Variants in CSMD1 observed in about 807,000 individuals in gnomAD.
The protein encoded by CSMD1 is CUB and Sushi multiple domains 1, also known as CUB and sushi domain-containing protein 1.
A neutral mutation model predicts 417.5 loss-of-function variants in CSMD1; 213 were observed. That is an observed-to-expected ratio of 0.51 (90% CI 0.46 to 0.57). The LOEUF (loss-of-function observed/expected upper bound fraction) is 0.57. Among genes scored for constraint, CSMD1 ranks in the 20% least tolerant of loss-of-function variants. The pLI is 0.00. For missense variants in CSMD1, 6,923 were observed against 4,529.7 expected, an observed-to-expected ratio of 1.53 and a Z score of -15.17; for synonymous variants, 2,862 against 1,736.8, an observed-to-expected ratio of 1.65 and a Z score of -16.11.
chr8:4,821,719 G>A (rs1799535719), intron 1 of CSMD1, among the ~76,000 whole-genome samples: 1 of 152,058 alleles, frequency 6.6e-6, no homozygotes, highest in Non-Finnish European at 1.5e-5. Context: ...TGAATTCCAA[G>A]CAAAATGGAT....
intron 50 of CSMD1, among the ~76,000 whole-genome samples, chr8:3,035,223 A>C (rs1810593873): frequency 6.6e-6 from 1 of 152,176 alleles, no homozygotes; most frequent in African/African-American, 2.4e-5. Flanking sequence ...CATCATAGGC[A>C]GATACTGCAG....
At chr8:3,182,675 CTG>C (rs10676783) in intron 36 of CSMD1, among the ~76,000 whole-genome samples, 4 of 99,078 alleles carry the variant, frequency 4.0e-5, no homozygotes, top group East Asian at 3.0e-4. Flanking sequence ...CTATAAGAAG[CTG>C]TGTGTGTGTG....
intron 51 of CSMD1, among the ~76,000 whole-genome samples, chr8:3,023,671 G>A (rs1291319365): frequency 1.3e-5 from 2 of 152,120 alleles, no homozygotes; most frequent in Admixed American, 6.5e-5. Context: ...ATTTCTCAGC[G>A]GATTCCACAG....
At chr8:4,579,337 T>C (rs199779434) in intron 2 of CSMD1, among the ~76,000 whole-genome samples, 1 of 125,870 alleles carries the variant, frequency 7.9e-6, no homozygotes, top group Non-Finnish European at 1.8e-5. Flanking sequence ...TACATACATA[T>C]ATATATACAC....
intron 2 of CSMD1, among the ~76,000 whole-genome samples, chr8:4,522,750 G>C (rs976142799): frequency 6.6e-6 from 1 of 152,080 alleles, no homozygotes; most frequent in African/African-American, 2.4e-5. Context: ...CTGGGAGTTG[G>C]ACTCCATCCT....
At chr8:4,501,052 A>T (rs1342910579) in intron 2 of CSMD1, among the ~76,000 whole-genome samples, 1 of 152,140 alleles carries the variant, frequency 6.6e-6, no homozygotes, top group Admixed American at 6.6e-5. Context: ...GACATCTGAG[A>T]CAGTGGGCCA....
chr8:4,233,886 A>G (rs1471324955), intron 3 of CSMD1, among the ~76,000 whole-genome samples: 2 of 151,848 alleles, frequency 1.3e-5, no homozygotes, highest in South Asian at 2.1e-4. Flanking sequence ...AGCGGAAGCC[A>G]TATCCAGTAC....
At chr8:4,037,174 A>T (rs183451400) in intron 3 of CSMD1, among the ~76,000 whole-genome samples, 2 of 152,370 alleles carry the variant, frequency 1.3e-5, no homozygotes, top group Non-Finnish European at 1.5e-5. Flanking sequence ...AGTGTTCAAT[A>T]TTAGAAGTGT....
intron 5 of CSMD1, among the ~76,000 whole-genome samples, chr8:3,893,430 C>T (rs1807134756): frequency 6.8e-6 from 1 of 146,268 alleles, no homozygotes; most frequent in Non-Finnish European, 1.5e-5. Flanking sequence ...GGATCAACTC[C>T]TGAAACCAAT....
At chr8:3,120,425 C>T (rs1372721997) in intron 41 of CSMD1, among the ~76,000 whole-genome samples, 1 of 152,206 alleles carries the variant, frequency 6.6e-6, no homozygotes, top group Non-Finnish European at 1.5e-5. Flanking sequence ...AATGTAAGTG[C>T]TGTTTGGAGT....
intron 5 of CSMD1, among the ~76,000 whole-genome samples, chr8:3,981,628 T>C (rs1813878775): frequency 6.6e-6 from 1 of 152,120 alleles, no homozygotes; most frequent in South Asian, 2.1e-4. Context: ...ATTGTTCCCT[T>C]TGAGTTGTCT....
chr8:4,824,035 C>T (rs953276078), intron 1 of CSMD1, among the ~76,000 whole-genome samples: 1 of 151,574 alleles, frequency 6.6e-6, no homozygotes, highest in African/African-American at 2.4e-5. Flanking sequence ...CACAAACATC[C>T]ATGCACCCAC....
intron 12 of CSMD1, among the ~76,000 whole-genome samples, chr8:3,411,109 G>C (rs1238985416): frequency 2.0e-5 from 3 of 152,118 alleles, no homozygotes; most frequent in Non-Finnish European, 4.4e-5. Flanking sequence ...CAGGAAGAAG[G>C]CACTGCAGAG....
At chr8:4,856,194 C>T (rs1410270779) in intron 1 of CSMD1, among the ~76,000 whole-genome samples, 1 of 91,278 alleles carries the variant, frequency 1.1e-5, no homozygotes, top group African/African-American at 3.5e-5. Flanking sequence ...AAATAAAATC[C>T]TTTGCAGACA....
intron 37 of CSMD1, among the ~76,000 whole-genome samples, chr8:3,169,191 G>T (rs901314969): frequency 6.6e-6 from 1 of 152,126 alleles, no homozygotes; most frequent in Admixed American, 6.5e-5. Flanking sequence ...ATGCATCTCA[G>T]TGAATTACAG....
intron 5 of CSMD1, among the ~76,000 whole-genome samples, chr8:3,852,529 G>C (rs2975381): frequency 2.6e-5 from 4 of 152,176 alleles, no homozygotes; most frequent in Admixed American, 1.3e-4. Flanking sequence ...AGAAAACATA[G>C]TAGATGGTGT....
intron 3 of CSMD1, among the ~76,000 whole-genome samples, chr8:4,188,029 A>C (rs1798785980): frequency 6.6e-6 from 1 of 152,264 alleles, no homozygotes; most frequent in South Asian, 2.1e-4. Flanking sequence ...AAAAGACCTA[A>C]GACAGTGCAA....
intron 3 of CSMD1, among the ~76,000 whole-genome samples, chr8:4,157,245 G>C (rs751200622): frequency 2.2e-4 from 33 of 152,122 alleles, no homozygotes; most frequent in Non-Finnish European, 3.5e-4. Context: ...ACACAACAGG[G>C]CCCGTTTGTC....
intron 7 of CSMD1, among the ~76,000 whole-genome samples, chr8:3,664,576 C>T (rs999945472): frequency 6.6e-6 from 1 of 152,212 alleles, no homozygotes; most frequent in African/African-American, 2.4e-5. Flanking sequence ...AGCAAAGAGA[C>T]TGAGGAGTTT....
Sources: allele counts gnomAD v4.1 joint callset (sites outside exome capture counted in the v4.1 genomes callset), GRCh38; gene constraint gnomAD v4.1.1; transcripts MANE v1.5; gene names NCBI Gene and HGNC (gene_info 2026-07-23, HGNC 2026-07-21).